PTPN21: variants seen among roughly 807,000 people sequenced by gnomAD.
The protein encoded by PTPN21 is protein tyrosine phosphatase non-receptor type 21, also known as tyrosine-protein phosphatase non-receptor type 21.
Under a neutral mutation model 131.8 loss-of-function variants are expected in PTPN21, and 77 were observed. The observed-to-expected ratio is 0.58, with a 90% CI of 0.49 to 0.71. The LOEUF is 0.71. PTPN21 is among the 30% of genes least tolerant of loss of function. PTPN21 has a pLI of 0.00. For synonymous variants in PTPN21, 715 were observed against 621.3 expected (o/e 1.15, Z -2.24); for missense variants, 1,552 against 1,527.1 (o/e 1.02, Z -0.27).
intron 14 of PTPN21, among the ~76,000 whole-genome samples, chr14:88,473,096 A>T (rs1566807478): frequency 6.6e-6 from 1 of 152,184 alleles, no homozygotes; most frequent in Non-Finnish European, 1.5e-5. Flanking sequence ...GGGACGGATA[A>T]TGAGTTCCAA....
At chr14:88,517,845 T>G (rs555577853) in intron 2 of PTPN21, among the ~76,000 whole-genome samples, 159 of 147,746 alleles carry the variant, frequency 1.1e-3, no homozygotes, top group African/African-American at 3.9e-3. Context: ...ATACACTATA[T>G]ATATGGTATA....
chr14:88,478,957 C>A lies in PTPN21; in HGVS notation c.2474G>T (p.Gly825Val). 1 of 1,529,572 alleles carries A rather than the reference C, an allele frequency of 6.5e-7. No individual in the cohort carries two copies. The highest frequency in any genetic ancestry group is 1.3e-5 in the South Asian group (1 of 78,506). The allele number at this position is 1,529,572 out of a possible 1,614,324, so 94.8% of individuals were successfully genotyped here. A position where few individuals can be genotyped will look rare whatever the true frequency, so the allele number is the denominator to read the frequency against. The change falls in exon 13 of 19, where the codon GGG becomes GTG. Residue 825 changes from glycine (G) to valine (V), a missense_variant. This residue lies in a region of PTPN21 where 1,016 missense variants were observed against 883.5 expected (regional missense o/e 1.15). Transcript: ENST00000556564. ...KKRPVSDLLS[G>V]KKNIVEGLPP... ...GAGCCCTTCCACGATGTTCTTCTTC[C>A]CAGAGAGAAGGTCCGACACCGGCCT...
intron 12 of PTPN21, among the ~76,000 whole-genome samples, chr14:88,484,141 G>C (rs1566817320): frequency 6.7e-6 from 1 of 150,234 alleles, no homozygotes; most frequent in Non-Finnish European, 1.5e-5. Flanking sequence ...CCCCCACCTT[G>C]GGCTTAAGCA....
intron 2 of PTPN21, among the ~76,000 whole-genome samples, chr14:88,524,025 T>C (rs2078439605): frequency 6.6e-6 from 1 of 152,198 alleles, no homozygotes; most frequent in Admixed American, 6.6e-5. Context: ...ACTGAAATAC[T>C]TAATATTGTT....
chr14:88,500,940 T>C (rs2077999057), intron 7 of PTPN21, 69 bp from the exon 8 acceptor site: 2 of 1,115,288 alleles, frequency 1.8e-6, no homozygotes, highest in East Asian at 4.7e-5. Context: ...TAGAGTTCCC[T>C]GGACTGGTTT....
chr14:88,552,605 G>A (rs1595428830), intron 1 of PTPN21: 1 of 152,044 alleles, frequency 6.6e-6, no homozygotes, highest in South Asian at 2.1e-4. Flanking sequence ...AAGGCCAGAA[G>A]AAAAAAACAA....
intron 13 of PTPN21, among the ~76,000 whole-genome samples, chr14:88,474,571 GC>G (rs761552222): frequency 4.4e-4 from 67 of 151,984 alleles, no homozygotes; most frequent in Admixed American, 1.3e-3. Context: ...TGTGTGTTAA[GC>G]CCCCTCCTCA....
In PTPN21 at chr14:88,518,384, G is replaced by GTA. The variant is rs1383018796; in HGVS notation, c.181-1124_181-1123insTA. ...TACACGTGTGTGTGTATGTGTGTGTGTGTATATATATATATATATATATAT... is the reference window on the plus strand; with the variant it reads ...TACACGTGTGTGTGTATGTGTGTGTGTATGTATATATATATATATATATATAT... On this transcript the variant is annotated intron_variant, in intron 2 of 18. Transcript: ENST00000556564. Among the ~76,000 whole-genome samples, 9 of 13,330 alleles carry GTA rather than the reference G, an allele frequency of 6.8e-4. 1 individual carries two copies. The highest frequency in any genetic ancestry group is 1.3e-3 in the African/African-American group (7 of 5,342). The allele number at this position is 13,330 out of a possible 152,430, so 8.7% of individuals were successfully genotyped here. A position where few individuals can be genotyped will look rare whatever the true frequency, so the allele number is the denominator to read the frequency against.
chr14:88,501,255 AGC>A, intron 7 of PTPN21, 24 bp downstream of exon 7: 1 of 1,566,172 alleles, frequency 6.4e-7, no homozygotes, highest in Non-Finnish European at 8.8e-7. Flanking sequence ...AACTTTAAAG[AGC>A]CCCAGCCGCC....
chr14:88,553,176 G>A (rs1049214436), intron 1 of PTPN21, among the ~76,000 whole-genome samples: 2 of 152,100 alleles, frequency 1.3e-5, no homozygotes, highest in Non-Finnish European at 2.9e-5. Flanking sequence ...CCTCAGACTT[G>A]AAATGTATTA....
chr14:88,516,977 A>C, intron 3 of PTPN21, 115 bp downstream of exon 3: 4 of 1,218,014 alleles, frequency 3.3e-6, no homozygotes, highest in Non-Finnish European at 4.5e-6. Context: ...ACCGTGGCTA[A>C]AAATGTGGGG....
chr14:88,506,231 TTGGGAGGCTCAGG>T (rs943858274), intron 4 of PTPN21, among the ~76,000 whole-genome samples: 1 of 152,082 alleles, frequency 6.6e-6, no homozygotes, highest in African/African-American at 2.4e-5. Context: ...TCACAGCTAC[TTGGGAGGCTCAGG>T]TGGGAGGATC....
At chr14:88,497,109 G>T in intron 9 of PTPN21, 94 bp downstream of exon 9, 1 of 994,288 alleles carries the variant, frequency 1.0e-6, no homozygotes, top group Non-Finnish European at 1.6e-6. Flanking sequence ...TCATTTTAAT[G>T]CTGCCCTGCC....
chr14:88,542,528 A>G (rs2078721036), intron 2 of PTPN21, among the ~76,000 whole-genome samples: 1 of 152,208 alleles, frequency 6.6e-6, no homozygotes, highest in African/African-American at 2.4e-5. Flanking sequence ...AAAGGAAAAC[A>G]TCTTAGGTTA....
chr14:88,489,862 C>T (rs1051891190), intron 10 of PTPN21, among the ~76,000 whole-genome samples: 1 of 152,136 alleles, frequency 6.6e-6, no homozygotes, highest in South Asian at 2.1e-4. Context: ...TGTTCACCCC[C>T]CTACCAAACC....
intron 10 of PTPN21, among the ~76,000 whole-genome samples, chr14:88,492,679 A>C (rs541832517): frequency 6.6e-6 from 1 of 152,320 alleles, no homozygotes; most frequent in African/African-American, 2.4e-5. Flanking sequence ...AGGCACTTCC[A>C]CAGCCTTTCT....
chr14:88,536,946 C>CA (rs1324883278), intron 2 of PTPN21, among the ~76,000 whole-genome samples: 1 of 152,124 alleles, frequency 6.6e-6, no homozygotes, highest in Non-Finnish European at 1.5e-5. Flanking sequence ...CAGAGTCTGC[C>CA]ATAAATAATG....
At chr14:88,535,831 T>A (rs989479819) in intron 2 of PTPN21, among the ~76,000 whole-genome samples, 1 of 152,220 alleles carries the variant, frequency 6.6e-6, no homozygotes, top group African/African-American at 2.4e-5. Context: ...TGCCTTGGTC[T>A]AGGATATCTT....
In PTPN21 at chr14:88,504,491, C is replaced by T; in HGVS notation, c.521G>A (p.Trp174Ter). The T allele has an allele frequency of 6.2e-7, 1 of 1,612,200 alleles. No homozygotes were observed. Among genetic ancestry groups the T allele is most frequent in the Admixed American group, 1.7e-5 (1 of 60,002 alleles). ...TTCCAATACTTTTTCATCTTGTAAC[C>T]ATCCCTGAAGAAAACACACAGTGGT... is the stretch of plus-strand genomic sequence containing the variant. ...LQKFALFPVG[W>*]LQDEKVLEEA... The change falls in exon 6 of 19, where the codon TGG (tryptophan) becomes TAG (stop). Residue 174 changes from tryptophan (W) to a stop codon, truncating the protein, a stop_gained. Coordinates refer to ENST00000556564, the MANE Select transcript of PTPN21 (RefSeq NM_007039.4). LOFTEE classifies it high-confidence loss of function.
Sources: gnomAD v4.1 joint callset for allele counts (sites outside exome capture counted in the v4.1 genomes callset) on GRCh38, gnomAD v4.1.1 for gene constraint, gnomAD v4.1.1 regional missense constraint, MANE v1.5 for transcripts, NCBI Gene and HGNC (gene_info 2026-07-23, HGNC 2026-07-21) for gene names.